The following ATP13A4 variants were observed in gnomAD, a reference collection of about 807,000 sequenced individuals.
ATP13A4 encodes the protein probable cation-transporting ATPase 13A4.
In ATP13A4, 114 loss-of-function variants were observed where a neutral mutation model predicts 142.5. The ratio of observed to expected loss-of-function variants is 0.80; its 90% CI spans 0.69 to 0.93. The LOEUF is 0.93. Among genes scored for constraint, ATP13A4 ranks in the 40% least tolerant of loss-of-function variants. ATP13A4 has a pLI of 0.00. For missense variants in ATP13A4, 1,392 were observed against 1,454.0 expected, an observed-to-expected ratio of 0.96 and a Z score of 0.69; for synonymous variants, 488 against 514.8, an observed-to-expected ratio of 0.95 and a Z score of 0.70.
intron 29 of ATP13A4, among the ~76,000 whole-genome samples, chr3:193,406,779 A>G (rs1376587179): frequency 6.6e-6 from 1 of 152,234 alleles, no homozygotes; most frequent in Non-Finnish European, 1.5e-5. Context: ...TTTCACTTAT[A>G]TGAAATGTCC....
rs370092633 is a variant in ATP13A4 at position 193,423,675 on chromosome 3, C to T, written c.2843-8925G>A. Among the ~76,000 whole-genome samples, 13 of 149,688 alleles carry T rather than the reference C, an allele frequency of 8.7e-5. No homozygotes were observed. In the Admixed American group the frequency reaches 9.0e-4, roughly 10 times the overall value. ...ACAAATTAAGCATAGAAGAAATGCA[C>T]CTCAATGCAATAAAGGTCATGTATG... On this transcript the variant is annotated intron_variant, in intron 25 of 29. Transcript: ENST00000342695.
chr3:193,491,441 A>G, intron 5 of ATP13A4, 43 bp from the exon 6 acceptor site: 1 of 1,383,824 alleles, frequency 7.2e-7, no homozygotes. Flanking sequence ...AAATAATAAA[A>G]TTAAAACTGA....
chr3:193,422,143 G>C lies in ATP13A4; in HGVS notation c.2843-7393C>G, dbSNP rs1317916869. On this transcript the variant is annotated intron_variant, in intron 25 of 29. Coordinates refer to ENST00000342695, the MANE Select transcript of ATP13A4 (RefSeq NM_032279.4). ...TGGTAATCAAAAGAGAGCAAGATTG[G>C]CTATATTTATGTCAGATAAAGCAGA... is the stretch of plus-strand genomic sequence containing the variant. Among the ~76,000 whole-genome samples, 3 of 149,992 alleles carry C rather than the reference G, an allele frequency of 2.0e-5. 1 individual carries two copies. The East Asian group carries it at 6.2e-4, about 31-fold the overall frequency.
At chr3:193,531,068 AGATTCCTTTCAGT>A (rs532544081) in intron 1 of ATP13A4, among the ~76,000 whole-genome samples, 21 of 152,162 alleles carry the variant, frequency 1.4e-4, no homozygotes, top group African/African-American at 4.6e-4. Context: ...TCATCCATCA[AGATTCCTTTCAGT>A]TAGCACTTTT....
intron 25 of ATP13A4, among the ~76,000 whole-genome samples, chr3:193,431,531 A>G (rs1715970424): frequency 6.6e-6 from 1 of 152,008 alleles, no homozygotes; most frequent in African/African-American, 2.4e-5. Flanking sequence ...TCCAAAAGTT[A>G]GAGAACAAGT....
intron 3 of ATP13A4, among the ~76,000 whole-genome samples, chr3:193,496,721 G>A (rs976063819): frequency 1.6e-4 from 25 of 152,170 alleles, no homozygotes; most frequent in Non-Finnish European, 2.6e-4. Context: ...GACCTGGGAG[G>A]CCGAGGTTGC....
chr3:193,494,860 A>G (rs1250591460), intron 3 of ATP13A4, among the ~76,000 whole-genome samples: 1 of 152,026 alleles, frequency 6.6e-6, no homozygotes, highest in Non-Finnish European at 1.5e-5. Flanking sequence ...ACAAATGTTT[A>G]GTCAGACTAA....
At chr3:193,436,403 A>G (rs79352699) in intron 23 of ATP13A4, among the ~76,000 whole-genome samples, 6,611 of 152,224 alleles carry the variant, frequency 0.043, 339 homozygotes, top group East Asian at 0.18. Context: ...TTTATCTTCT[A>G]TTTCATTCGG....
intron 2 of ATP13A4, among the ~76,000 whole-genome samples, chr3:193,570,662 C>T (rs1724241298): frequency 6.6e-6 from 1 of 152,176 alleles, no homozygotes; most frequent in Non-Finnish European, 1.5e-5. Flanking sequence ...AGCCTCTTAG[C>T]ATATCCTATT....
At chr3:193,542,223 T>G (rs375872886) in intron 1 of ATP13A4, among the ~76,000 whole-genome samples, 1 of 152,196 alleles carries the variant, frequency 6.6e-6, no homozygotes, top group South Asian at 2.1e-4. Context: ...CCATTCACAA[T>G]TGCTACAAAG....
Position 193,527,581 on chromosome 3 carries a change from C to T in ATP13A4, c.61-12710G>A, listed in dbSNP as rs149674608. ...GAGCTGAGATCACGCCACTGCACTC[C>T]AGCCTGGGCGACAGAGTGAGGCTCC... is the stretch of plus-strand genomic sequence containing the variant. On this transcript the variant is annotated intron_variant, in intron 1 of 29. Coordinates refer to ENST00000342695, the MANE Select transcript of ATP13A4 (RefSeq NM_032279.4). Among the ~76,000 whole-genome samples the T allele has an allele frequency of 4.7e-3, 710 of 151,264 alleles. 2 individuals carry two copies. Among genetic ancestry groups the T allele is most frequent in the Non-Finnish European group, 6.4e-3 (434 of 67,808 alleles).
At chr3:193,554,603 T>C in intron 1 of ATP13A4, 137 bp downstream of exon 1, 1 of 1,104,850 alleles carries the variant, frequency 9.1e-7, no homozygotes, top group Non-Finnish European at 1.4e-6. Flanking sequence ...CCTTTTCTCG[T>C]GTAATACCAG....
At chr3:193,575,260 A>G (rs1724367119) in intron 2 of ATP13A4, among the ~76,000 whole-genome samples, 1 of 152,248 alleles carries the variant, frequency 6.6e-6, no homozygotes, top group Admixed American at 6.5e-5. Context: ...AAGAGGAGCT[A>G]TAGTGAGAAC....
At position 193,459,137 on chromosome 3, in the gene ATP13A4, C is replaced by T. The variant is rs1398590725; in HGVS notation, c.1618G>A (p.Asp540Asn). 6.2e-7 allele frequency: 1 copy of T among 1,614,228 alleles called. No individual in the cohort carries two copies. ...AGAGGGTCTCCCTGGATGGTCCCATCAAGAAGGATCAGAGAGTGGCAGCTG... is the reference window on the plus strand; with the variant it reads ...AGAGGGTCTCCCTGGATGGTCCCATTAAGAAGGATCAGAGAGTGGCAGCTG... ...MASCHSLILLDGTIQGDPLDL... is the reference protein window; with the variant it reads ...MASCHSLILLNGTIQGDPLDL... The change falls in exon 14 of 30, where the codon GAT (aspartate) becomes AAT (asparagine). Residue 540 changes from aspartate to asparagine, a missense_variant. Asp to Asn is a conservative substitution (Grantham distance 23). Transcript: ENST00000342695.
chr3:193,454,946 T>A (rs1717500270), intron 16 of ATP13A4, among the ~76,000 whole-genome samples: 2 of 151,514 alleles, frequency 1.3e-5, no homozygotes, highest in South Asian at 4.2e-4. Flanking sequence ...CAGGGGAAAA[T>A]TTTTGCAAAC....
intron 1 of ATP13A4, among the ~76,000 whole-genome samples, chr3:193,587,968 T>A (rs977604162): frequency 2.0e-5 from 3 of 151,232 alleles, no homozygotes; most frequent in Non-Finnish European, 4.4e-5. Flanking sequence ...TGAAAATATA[T>A]ATATATATTT....
rs373812961 is a variant in ATP13A4 at position 193,447,910 on chromosome 3, C to T, written c.2152+296G>A. ...AGATCTTATTTCAAATGTCACATCT[C>T]GGAGAGGCATCTCTTAACCATCTCA... On this transcript the variant is annotated intron_variant, in intron 18 of 29. Transcript: ENST00000342695. Among the ~76,000 whole-genome samples, 3 of 152,162 alleles carry T rather than the reference C, an allele frequency of 2.0e-5. No individual in the cohort carries two copies. In the East Asian group the frequency reaches 5.8e-4, roughly 29 times the overall value.
intron 1 of ATP13A4, among the ~76,000 whole-genome samples, chr3:193,538,892 CTTTTT>C (rs67132373): frequency 8.3e-6 from 1 of 120,854 alleles, no homozygotes; most frequent in African/African-American, 3.0e-5. Flanking sequence ...TTGGTTTTTT[CTTTTT>C]TTTTTTTTTT....
chr3:193,519,857 C>A (rs549875240), intron 1 of ATP13A4, among the ~76,000 whole-genome samples: 4 of 151,810 alleles, frequency 2.6e-5, no homozygotes, highest in Admixed American at 1.3e-4. Flanking sequence ...GTTGGCCAGG[C>A]TGGTCTCGAA....
Sources: allele counts gnomAD v4.1 joint callset (sites outside exome capture counted in the v4.1 genomes callset), GRCh38; gene constraint gnomAD v4.1.1; transcripts MANE v1.5; gene names NCBI Gene and HGNC (gene_info 2026-07-23, HGNC 2026-07-21).